The following WDR20 variants were observed in gnomAD, a reference collection of about 807,000 sequenced individuals.
The protein encoded by WDR20 is WD repeat-containing protein 20.
WDR20 carries 3 observed loss-of-function variants against 38.7 expected under a neutral mutation model. The observed-to-expected ratio is 0.08, with a 90% CI of 0.04 to 0.20. WDR20 has a LOEUF of 0.20. WDR20 is among the 10% of genes least tolerant of loss of function. The pLI, the probability that WDR20 is intolerant of heterozygous loss-of-function variation, is 1.00. For missense variants in WDR20, 559 were observed against 727.7 expected (o/e 0.77, Z 2.67); for synonymous variants, 298 against 285.6 (o/e 1.04, Z -0.44).
intron 1 of WDR20, among the ~76,000 whole-genome samples, chr14:102,169,080 A>G (rs558130632): frequency 4.7e-4 from 72 of 151,858 alleles, no homozygotes; most frequent in Non-Finnish European, 9.0e-4. Flanking sequence ...ATTTGCTGCC[A>G]CCTCCTCCTC....
At chr14:102,218,936 G>C (rs562565384), downstream of WDR20, among the ~76,000 whole-genome samples, 1 of 152,328 alleles carries the variant, frequency 6.6e-6, no homozygotes, top group African/African-American at 2.4e-5. Flanking sequence ...GTCCTCCGTC[G>C]GCCGGGCCGG....
At chr14:102,188,854 C>CTTTCAAAAAAAA (rs2065546799) in intron 1 of WDR20, among the ~76,000 whole-genome samples, 1 of 128,370 alleles carries the variant, frequency 7.8e-6, no homozygotes, top group Non-Finnish European at 1.6e-5. Context: ...GTCTGGGCAG[C>CTTTCAAAAAAAA]AGAGCGAGAC....
At chr14:102,204,764 A>T (rs1230808524) in intron 2 of WDR20, among the ~76,000 whole-genome samples, 4 of 152,180 alleles carry the variant, frequency 2.6e-5, no homozygotes, top group Admixed American at 2.6e-4. Context: ...CTCCACTGGG[A>T]GTTTATCCTG....
chr14:102,155,804 G>T (rs2057231267), intron 1 of WDR20, among the ~76,000 whole-genome samples: 1 of 151,066 alleles, frequency 6.6e-6, no homozygotes, highest in Non-Finnish European at 1.5e-5. Flanking sequence ...TTTTGAGAGG[G>T]TCTCCCTGTC....
chr14:102,216,262 A>G (rs1035189305), downstream of WDR20, among the ~76,000 whole-genome samples: 2 of 152,230 alleles, frequency 1.3e-5, no homozygotes, highest in African/African-American at 4.8e-5. Context: ...CCTGGGGCCT[A>G]CGACTGCCAC....
intron 1 of WDR20, among the ~76,000 whole-genome samples, chr14:102,142,802 C>A (rs1289115424): frequency 1.8e-5 from 2 of 114,044 alleles, no homozygotes; most frequent in African/African-American, 6.8e-5. Context: ...TTTTTTGGTC[C>A]TTTGAGGCGT....
Position 102,222,327 on chromosome 14 carries a change from C to CA in WDR20, c.1693-502dup, listed in dbSNP as rs2063989741. Among the ~76,000 whole-genome samples, 1 of 152,242 alleles carries CA rather than the reference C, an allele frequency of 6.6e-6. No homozygotes were observed. The highest frequency in any genetic ancestry group is 1.9e-4 in the East Asian group (1 of 5,192). On this transcript the variant is annotated intron_variant, in intron 3 of 3. Coordinates refer to the WDR20 transcript ENST00000335263. The surrounding 1 kb of genome is among the most constrained non-coding windows in gnomAD (Gnocchi z 4.4). ...CTACAGCCAGGGGGTGCCACGGTCA[C>CA]ACCACCCAACAAAGCAAGAACCCCC...
Position 102,220,101 on chromosome 14 carries a change from G to A in WDR20, c.1693-2729G>A, listed in dbSNP as rs977181184. On this transcript the variant is annotated intron_variant, in intron 3 of 3. Transcript: ENST00000335263. The surrounding 1 kb of genome is among the most constrained non-coding windows in gnomAD (Gnocchi z 4.2). ...GGTGCGGCTTTGTAGGGACCAGCTG[G>A]CGGAAGCAGCGTGTCCCTCAACATC... Among the ~76,000 whole-genome samples the A allele has an allele frequency of 1.3e-5, 2 of 152,234 alleles. No homozygotes were observed. Among genetic ancestry groups the A allele is most frequent in the Non-Finnish European group, 2.9e-5 (2 of 68,028 alleles).
At chr14:102,217,578 G>A (rs1305318649), downstream of WDR20, among the ~76,000 whole-genome samples, 1 of 152,256 alleles carries the variant, frequency 6.6e-6, no homozygotes, top group Non-Finnish European at 1.5e-5. Context: ...CGGCAAGTCT[G>A]GGGCAGAGAT....
rs557936160 is a variant in WDR20 at position 102,221,227 on chromosome 14, C to T, written c.1693-1603C>T. On this transcript the variant is annotated intron_variant, in intron 3 of 3. Coordinates refer to the WDR20 transcript ENST00000335263. This position sits in a 1 kb window ranked among gnomAD's most constrained non-coding sequence, Gnocchi z 4.8. ...ATGAGGGTGGCCCCTCTCCGTCTGT[C>T]CCCAGGCTGGGTCACCACCACTTTC... Among the ~76,000 whole-genome samples the T allele has an allele frequency of 1.5e-3, 234 of 152,332 alleles. 2 individuals carry two copies. The highest frequency in any genetic ancestry group is 5.4e-3 in the African/African-American group (223 of 41,572).
chr14:102,209,728 G>T lies in WDR20; in HGVS notation c.1558G>T (p.Val520Phe). 1 of 1,614,150 alleles carries T rather than the reference G, an allele frequency of 6.2e-7. No homozygotes were observed. Among genetic ancestry groups the T allele is most frequent in the Non-Finnish European group, 8.5e-7 (1 of 1,180,042 alleles). Reference sequence around the variant, plus strand: ...GCCCCTGTGTCCTCGAATGGAAGATGTTCCCTTGTTAGAGCCGCTGATATG... The same window carrying T: ...GCCCCTGTGTCCTCGAATGGAAGATTTTCCCTTGTTAGAGCCGCTGATATG... Reference protein sequence around the residue: ...GTPLCPRMEDVPLLEPLICKK... With the variant: ...GTPLCPRMEDFPLLEPLICKK... The change falls in exon 3 of 3, where the codon GTT (valine) becomes TTT (phenylalanine). Residue 520 changes from valine (V) to phenylalanine (F), a missense_variant. Physicochemically the swap from Val to Phe is conservative, Grantham distance 50. Transcript: ENST00000342702. The surrounding 1 kb of genome is among the most constrained non-coding windows in gnomAD (Gnocchi z 6.0).
intron 1 of WDR20, among the ~76,000 whole-genome samples, chr14:102,155,148 C>T (rs2057062077): frequency 1.3e-5 from 2 of 152,318 alleles, no homozygotes; most frequent in East Asian, 1.9e-4. Flanking sequence ...TTTAACCTCT[C>T]AGAGCCTCGG....
intron 1 of WDR20, among the ~76,000 whole-genome samples, chr14:102,163,899 C>T (rs192921730): frequency 6.6e-6 from 1 of 152,108 alleles, no homozygotes; most frequent in African/African-American, 2.4e-5. Flanking sequence ...CCATTAGTTG[C>T]AAGAATTACA....
rs2065989823 is a variant in WDR20, at chr14:102,221,702, C to T, written c.1693-1128C>T. ...TGACTTGAGCGGGACAGCTTGCTTC[C>T]AGGCTTCCGGCAGCAGGGCGTGGGC... On this transcript the variant is annotated intron_variant, in intron 3 of 3. Coordinates refer to the WDR20 transcript ENST00000335263. This position sits in a 1 kb window ranked among gnomAD's most constrained non-coding sequence, Gnocchi z 4.8. Among the ~76,000 whole-genome samples the T allele has an allele frequency of 6.6e-6, 1 of 152,182 alleles. No homozygotes were observed. Among genetic ancestry groups the T allele is most frequent in the African/African-American group, 2.4e-5 (1 of 41,440 alleles).
At chr14:102,155,427 A>C (rs2057137863) in intron 1 of WDR20, among the ~76,000 whole-genome samples, 1 of 152,170 alleles carries the variant, frequency 6.6e-6, no homozygotes, top group South Asian at 2.1e-4. Context: ...GAATGGGGAA[A>C]GGAGAGCAGC....
downstream of WDR20, chr14:102,214,802 C>G (rs2063011264): frequency 1.9e-5 from 19 of 978,912 alleles, 1 homozygote; most frequent in Non-Finnish European, 2.1e-5. Context: ...TTTACTGTTG[C>G]AATAATTAAT....
intron 1 of WDR20, among the ~76,000 whole-genome samples, chr14:102,194,549 G>C (rs898775725): frequency 2.0e-5 from 3 of 152,206 alleles, no homozygotes; most frequent in African/African-American, 7.2e-5. Context: ...TGGGCATGTA[G>C]GTGCTGTAGA....
chr14:102,214,014 T>A (rs1201866816), downstream of WDR20: 23 of 985,364 alleles, frequency 2.3e-5, no homozygotes, highest in Non-Finnish European at 1.2e-6. Context: ...GGGGATCCGG[T>A]GGCCCTGCCC....
At chr14:102,147,825 G>A (rs2054215357) in intron 1 of WDR20, among the ~76,000 whole-genome samples, 1 of 152,172 alleles carries the variant, frequency 6.6e-6, no homozygotes, top group Admixed American at 6.5e-5. Flanking sequence ...CTGCCTCCCG[G>A]GTTCAAGCCA....
Sources: gnomAD v4.1 joint callset for allele counts (sites outside exome capture counted in the v4.1 genomes callset) on GRCh38, gnomAD v4.1.1 for gene constraint, Gnocchi (gnomAD v3.1) non-coding constraint, MANE v1.5 for transcripts, NCBI Gene and HGNC (gene_info 2026-07-23, HGNC 2026-07-21) for gene names.